The following NEK6 variants were observed in gnomAD, a reference collection of about 807,000 sequenced individuals.
NEK6 encodes serine/threonine-protein kinase Nek6.
A neutral mutation model predicts 43.5 loss-of-function variants in NEK6; 27 were observed. The observed-to-expected ratio is 0.62, with a 90% CI of 0.46 to 0.86. NEK6 has a LOEUF of 0.86. Ranked by LOEUF, NEK6 falls within the 40% of genes least tolerant of loss-of-function variation. NEK6 has a pLI of 0.00. For synonymous variants in NEK6, 167 were observed against 164.1 expected (o/e 1.02, Z -0.14); for missense variants, 318 against 414.4 (o/e 0.77, Z 2.02).
chr9:124,338,457 C>T (rs1469731088), intron 7 of NEK6, among the ~76,000 whole-genome samples: 1 of 152,208 alleles, frequency 6.6e-6, no homozygotes, highest in African/African-American at 2.4e-5. Flanking sequence ...GAAATATGTT[C>T]TGTGAAGAGT....
intron 1 of NEK6, among the ~76,000 whole-genome samples, chr9:124,269,887 CCTCT>C (rs940870425): frequency 3.3e-5 from 5 of 152,060 alleles, no homozygotes; most frequent in South Asian, 4.1e-4. Flanking sequence ...TTTGCCTCAG[CCTCT>C]CTCTCTCCCT....
intron 1 of NEK6, among the ~76,000 whole-genome samples, chr9:124,271,161 C>T (rs867168928): frequency 6.6e-6 from 1 of 152,284 alleles, no homozygotes; most frequent in African/African-American, 2.4e-5. Flanking sequence ...GGTCAGCCCT[C>T]CCTGACTTAA....
At chr9:124,344,153 C>T (rs1378458451) in intron 8 of NEK6, among the ~76,000 whole-genome samples, 1 of 152,218 alleles carries the variant, frequency 6.6e-6, no homozygotes, top group Non-Finnish European at 1.5e-5. Context: ...CTTCTGTGCC[C>T]TTCTCTCTCG....
At chr9:124,314,138 G>A (rs950148932) in intron 4 of NEK6, among the ~76,000 whole-genome samples, 153 bp downstream of exon 4, 1 of 152,198 alleles carries the variant, frequency 6.6e-6, no homozygotes, top group Non-Finnish European at 1.5e-5. Context: ...GCAGCGGCTA[G>A]TGAGTTTTCT....
chr9:124,346,630 G>A (rs1829941504), intron 8 of NEK6, among the ~76,000 whole-genome samples: 2 of 152,154 alleles, frequency 1.3e-5, no homozygotes, highest in Non-Finnish European at 2.9e-5. Flanking sequence ...CTGGAGTGAC[G>A]AGAAGCTCTT....
At chr9:124,329,558 A>G (rs1323008903) in intron 7 of NEK6, among the ~76,000 whole-genome samples, 2 of 152,240 alleles carry the variant, frequency 1.3e-5, no homozygotes, top group African/African-American at 2.4e-5. Context: ...ACCAGGCCAC[A>G]TGATGGGTGG....
At chr9:124,323,987 C>G (rs527367823) in intron 5 of NEK6, among the ~76,000 whole-genome samples, 1 of 152,208 alleles carries the variant, frequency 6.6e-6, no homozygotes, top group South Asian at 2.1e-4. Flanking sequence ...GCCTCGGGTC[C>G]TTCCTCCTCA....
At chr9:124,267,158 T>C (rs1301936801) in intron 1 of NEK6, among the ~76,000 whole-genome samples, 1 of 152,224 alleles carries the variant, frequency 6.6e-6, no homozygotes, top group East Asian at 1.9e-4. Flanking sequence ...ACATGACTTT[T>C]TGGCAAATGA....
intron 1 of NEK6, chr9:124,292,801 GGA>G (rs1832487787): frequency 4.3e-6 from 6 of 1,403,242 alleles, no homozygotes; most frequent in Non-Finnish European, 5.7e-6. Context: ...CTGGGGCCAT[GGA>G]GAGAGTGGTT....
At chr9:124,279,817 CCATGTCTGTTCACTCT>C (rs1446907330) in intron 1 of NEK6, among the ~76,000 whole-genome samples, 1 of 152,238 alleles carries the variant, frequency 6.6e-6, no homozygotes. Context: ...TCTGAAATGA[CCATGTCTGTTCACTCT>C]CATGTCTGTG....
chr9:124,284,693 G>T lies in NEK6; in HGVS notation c.-29-17243G>T, dbSNP rs79085436. On this transcript the variant is annotated intron_variant, in intron 1 of 9. Coordinates refer to ENST00000320246, the MANE Select transcript of NEK6 (RefSeq NM_014397.6). ...CCCTGCAGGAATTCTCCGGACGCCT[G>T]TGGAGGGAAGAATGTGTGTGTCTGG... Among the ~76,000 whole-genome samples, 701 of 152,330 alleles carry T rather than the reference G, an allele frequency of 4.6e-3. 4 individuals carry two copies. The highest frequency in any genetic ancestry group is 0.016 in the African/African-American group (669 of 41,566).
chr9:124,306,852 G>C (rs1294971352), intron 2 of NEK6, among the ~76,000 whole-genome samples: 1 of 152,148 alleles, frequency 6.6e-6, no homozygotes, highest in Non-Finnish European at 1.5e-5. Context: ...ATCCATTAGA[G>C]TTTCCCTACC....
chr9:124,342,369 TA>T (rs2131060803), intron 8 of NEK6, among the ~76,000 whole-genome samples: 1 of 152,346 alleles, frequency 6.6e-6, no homozygotes, highest in African/African-American at 2.4e-5. Context: ...GCAGCTCACT[TA>T]CCAACTCACT....
chr9:124,312,537 G>A lies in NEK6; in HGVS notation c.119G>A (p.Cys40Tyr), dbSNP rs1467238937. ...QRHPNTLSFR[C>Y]SLADFQIEKK... ...CATCCCAACACGCTGTCTTTTCGCT[G>A]CTCGCTGGCGGACTTCCAGATCGAA... Residue 40 changes from cysteine (C) to tyrosine (Y), a missense_variant, in exon 3 of 10, where the codon TGC (cysteine) becomes TAC (tyrosine). Around this residue, in one of 2 missense-constraint regions of NEK6, gnomAD observed 239 missense variants for 344.4 expected, o/e 0.69. Coordinates refer to ENST00000320246, the MANE Select transcript of NEK6 (RefSeq NM_014397.6). The A allele has an allele frequency of 4.3e-6, 7 of 1,613,990 alleles. No individual in the cohort carries two copies. The highest frequency in any genetic ancestry group is 5.1e-6 in the Non-Finnish European group (6 of 1,179,986).
chr9:124,322,711 G>A (rs1392754007), intron 5 of NEK6, among the ~76,000 whole-genome samples: 3 of 152,228 alleles, frequency 2.0e-5, no homozygotes, highest in African/African-American at 7.2e-5. Context: ...GCTCCCAAGT[G>A]AGGCTGGGCC....
At chr9:124,320,278 A>C (rs1352184583) in intron 4 of NEK6, among the ~76,000 whole-genome samples, 1 of 152,176 alleles carries the variant, frequency 6.6e-6, no homozygotes, top group Non-Finnish European at 1.5e-5. Context: ...GGATGGACGC[A>C]TGGGGAGGAG....
chr9:124,273,486 C>T (rs1831529652), intron 1 of NEK6, among the ~76,000 whole-genome samples: 1 of 152,158 alleles, frequency 6.6e-6, no homozygotes. Flanking sequence ...AGTCAGGGCA[C>T]GTGTGTCTGT....
chr9:124,307,314 C>T (rs933639215), intron 2 of NEK6, among the ~76,000 whole-genome samples: 1 of 152,130 alleles, frequency 6.6e-6, no homozygotes, highest in Non-Finnish European at 1.5e-5. Flanking sequence ...TCCCTGCCCC[C>T]CAGTCTCCCA....
At chr9:124,292,974 C>G in intron 1 of NEK6, 1 of 1,576,072 alleles carries the variant, frequency 6.3e-7, no homozygotes, top group South Asian at 1.2e-5. Context: ...GGAGGCAGCT[C>G]ATTTCCGGCA....
Sources: gnomAD v4.1 joint callset for allele counts (sites outside exome capture counted in the v4.1 genomes callset) on GRCh38, gnomAD v4.1.1 for gene constraint, gnomAD v4.1.1 regional missense constraint, MANE v1.5 for transcripts, NCBI Gene and HGNC (gene_info 2026-07-23, HGNC 2026-07-21) for gene names.